The following SOCS2 variants were observed in gnomAD, a reference collection of about 807,000 sequenced individuals.
SOCS2 encodes the protein suppressor of cytokine signaling 2.
Under a neutral mutation model 18.6 loss-of-function variants are expected in SOCS2, and 10 were observed. That is an observed-to-expected ratio of 0.54 (90% confidence interval 0.33 to 0.91). The LOEUF is 0.91. Ranked by LOEUF, SOCS2 falls within the 40% of genes least tolerant of loss-of-function variation. SOCS2 has a pLI of 0.02. For missense variants in SOCS2, 231 were observed against 247.2 expected, an observed-to-expected ratio of 0.93 and a Z score of 0.44; for synonymous variants, 104 against 104.0, an observed-to-expected ratio of 1.00 and a Z score of 0.00.
the SOCS2 span, among the ~76,000 whole-genome samples, chr12:93,593,289 TA>T: frequency 1.3e-5 from 2 of 152,132 alleles, no homozygotes; most frequent in African/African-American, 2.4e-5. Flanking sequence ...CCCAAATGCC[TA>T]AAGCTCTCCG....
downstream of SOCS2, among the ~76,000 whole-genome samples, chr12:93,586,424 G>C (rs1026332449): frequency 7.9e-5 from 12 of 152,102 alleles, no homozygotes; most frequent in Non-Finnish European, 1.5e-5. Context: ...GTGATAAATT[G>C]GGTACCTAAT....
upstream of SOCS2, chr12:93,572,274 G>A (rs1009646485): frequency 5.6e-6 from 1 of 179,890 alleles, no homozygotes; most frequent in African/African-American, 2.4e-5. This position sits in a 1 kb window ranked among gnomAD's most constrained non-coding sequence, Gnocchi z 5.0. Context: ...GGCTGCGCCA[G>A]GTGTGAGACC....
the SOCS2 span, among the ~76,000 whole-genome samples, chr12:93,625,745 C>CAA: frequency 1.2e-3 from 75 of 61,686 alleles, no homozygotes; most frequent in Non-Finnish European, 2.0e-3. Context: ...GAGACCATCT[C>CAA]AAAAAAAAAA....
chr12:93,614,627 CT>C, the SOCS2 span, among the ~76,000 whole-genome samples: 1 of 89,612 alleles, frequency 1.1e-5, no homozygotes. Context: ...TTCTTTCTTT[CT>C]TTCTTTTGAT....
the SOCS2 span, among the ~76,000 whole-genome samples, chr12:93,608,127 A>T: frequency 1.3e-5 from 2 of 150,442 alleles, no homozygotes; most frequent in Non-Finnish European, 1.5e-5. Flanking sequence ...CAAACTCCTC[A>T]AACTCCATGT....
chr12:93,608,980 C>T, the SOCS2 span, among the ~76,000 whole-genome samples: 3 of 152,208 alleles, frequency 2.0e-5, no homozygotes, highest in South Asian at 2.1e-4. Context: ...CTGTAAGAGG[C>T]CAAGCATGCT....
At chr12:93,577,647 C>T (rs1172193131), downstream of SOCS2, among the ~76,000 whole-genome samples, 1 of 150,970 alleles carries the variant, frequency 6.6e-6, no homozygotes, top group Non-Finnish European at 1.5e-5. Flanking sequence ...TACTGCTGTT[C>T]AACCAGATCA....
the SOCS2 span, among the ~76,000 whole-genome samples, chr12:93,593,848 A>G: frequency 6.6e-6 from 1 of 152,222 alleles, no homozygotes; most frequent in East Asian, 1.9e-4. Context: ...TAAATTTCCC[A>G]TTTAAAGTCT....
At chr12:93,620,968 A>G in the SOCS2 span, among the ~76,000 whole-genome samples, 12 of 152,196 alleles carry the variant, frequency 7.9e-5, no homozygotes, top group Non-Finnish European at 1.6e-4. Flanking sequence ...CCATCTATCC[A>G]AGTCTGCACT....
At chr12:93,605,460 T>G in the SOCS2 span, among the ~76,000 whole-genome samples, 28 of 152,190 alleles carry the variant, frequency 1.8e-4, 1 homozygote, top group Admixed American at 1.8e-3. Flanking sequence ...GAAGCCTTAT[T>G]TTTAAAAAAA....
chr12:93,615,673 A>G, the SOCS2 span, among the ~76,000 whole-genome samples: 2 of 152,172 alleles, frequency 1.3e-5, no homozygotes, highest in African/African-American at 4.8e-5. Flanking sequence ...TCATCTCACT[A>G]CAACCTCCAC....
chr12:93,614,460 TTCCTTCCTTCCTTCCTTCCTTTCCTTCC>T, the SOCS2 span, among the ~76,000 whole-genome samples: 2 of 91,446 alleles, frequency 2.2e-5, no homozygotes, highest in Non-Finnish European at 4.0e-5. Flanking sequence ...CCTTCCTTCC[TTCCTTCCTTCCTTCCTTCCTTTCCTTCC>T]TTCCTTCCTT....
the SOCS2 span, among the ~76,000 whole-genome samples, chr12:93,625,244 T>C: frequency 6.8e-6 from 1 of 146,836 alleles, no homozygotes; most frequent in Non-Finnish European, 1.5e-5. Flanking sequence ...TGATGTGTCA[T>C]ACACACACAA....
At chr12:93,604,199 A>C in the SOCS2 span, among the ~76,000 whole-genome samples, 1 of 133,566 alleles carries the variant, frequency 7.5e-6, no homozygotes, top group Non-Finnish European at 1.6e-5. Flanking sequence ...AAACAAACAA[A>C]ACAAAACAAA....
chr12:93,614,099 A>G, the SOCS2 span, among the ~76,000 whole-genome samples: 1 of 149,970 alleles, frequency 6.7e-6, no homozygotes, highest in Non-Finnish European at 1.5e-5. Context: ...TTTTTTTTTC[A>G]TTGATTCATT....
chr12:93,571,344 A>G (rs2136680731), upstream of SOCS2: 1 of 152,178 alleles, frequency 6.6e-6, no homozygotes, highest in Middle Eastern at 3.4e-3. Context: ...AGCGCCGGGG[A>G]AGAGAGAGTC....
chr12:93,573,021 G>GCGC lies in SOCS2; in HGVS notation c.124_125insCGC (p.Glu42delinsAlaGln). On this transcript the variant is annotated protein_altering_variant, in exon 1 of 2. Transcript: ENST00000551556. ...GGCGCGTCTGGCGAAGGCCCTGCGG[G>GCGC]AGCTCGGTCAGACAGGTAGGGAGCC... 2 of 1,566,804 alleles carry GCGC rather than the reference G, an allele frequency of 1.3e-6. No homozygotes were observed. The highest frequency in any genetic ancestry group is 1.7e-6 in the Non-Finnish European group (2 of 1,160,102).
chr12:93,571,058 T>C (rs1158348511), upstream of SOCS2: 2 of 154,260 alleles, frequency 1.3e-5, no homozygotes, highest in Non-Finnish European at 2.9e-5. Context: ...CCAAGTCTCG[T>C]CGCAGCCGCC....
chr12:93,581,801 T>C (rs984763045), intron 1 of SOCS2, among the ~76,000 whole-genome samples: 1 of 152,126 alleles, frequency 6.6e-6, no homozygotes, highest in Non-Finnish European at 1.5e-5. Context: ...TTACAGACCA[T>C]GAGAAAGGAT....
Sources: allele counts gnomAD v4.1 joint callset (sites outside exome capture counted in the v4.1 genomes callset), GRCh38; gene constraint gnomAD v4.1.1; non-coding constraint Gnocchi (gnomAD v3.1); transcripts MANE v1.5; gene names NCBI Gene and HGNC (gene_info 2026-07-23, HGNC 2026-07-21).